The following ESRP1 variants were observed in gnomAD, a reference collection of about 807,000 sequenced individuals.
The protein encoded by ESRP1 is RNA-binding motif protein 35A.
In ESRP1, 33 loss-of-function variants were observed where a neutral mutation model predicts 81.7. That is an observed-to-expected ratio of 0.40 (90% CI 0.31 to 0.54). The LOEUF (loss-of-function observed/expected upper bound fraction) is 0.54. ESRP1 is among the 20% of genes least tolerant of loss of function. ESRP1 has a pLI of 0.41. For missense variants in ESRP1, 672 were observed against 833.1 expected (o/e 0.81, Z 2.38); for synonymous variants, 320 against 303.3 (o/e 1.06, Z -0.57).
At position 94,705,918 on chromosome 8, in the gene ESRP1, T is replaced by TA; in HGVS notation, c.*36-7_*36-6insA. The TA allele has an allele frequency of 1.4e-6, 2 of 1,476,816 alleles. No individual in the cohort carries two copies. Among genetic ancestry groups the TA allele is most frequent in the Non-Finnish European group, 1.8e-6 (2 of 1,103,548 alleles). 91.5% of individuals were successfully genotyped at this position (1,476,816 alleles called of 1,614,324 possible). ...CTTTTATTCACTTTTTTTTTTTTTTTTTTCAGTGTTTGAAAGATGTATGGT... is the reference window on the plus strand; with the variant it reads ...CTTTTATTCACTTTTTTTTTTTTTTTATTTCAGTGTTTGAAAGATGTATGGT... On this transcript the variant is annotated splice_region_variant and splice_polypyrimidine_tract_variant and intron_variant, in intron 15 of 15. Coordinates refer to ENST00000433389, the MANE Select transcript of ESRP1 (RefSeq NM_017697.4).
intron 4 of ESRP1, 43 bp downstream of exon 4, chr8:94,646,325 T>A: frequency 1.6e-6 from 2 of 1,247,490 alleles, no homozygotes; most frequent in South Asian, 1.4e-5. Context: ...GAAAAGATAG[T>A]TCCAGAAAAG....
At chr8:94,658,119 C>T (rs903545019) in intron 4 of ESRP1, among the ~76,000 whole-genome samples, 5 of 152,170 alleles carry the variant, frequency 3.3e-5, no homozygotes, top group Non-Finnish European at 5.9e-5. Flanking sequence ...ACCATGTTGG[C>T]TAGGCTGATC....
intron 15 of ESRP1, 118 bp downstream of exon 15, chr8:94,697,079 CAG>C: frequency 5.9e-6 from 4 of 677,810 alleles, no homozygotes; most frequent in South Asian, 2.4e-5. Context: ...TGTAAAATAT[CAG>C]ATATCCTGGA....
At chr8:94,669,590 G>A (rs1434498531) in intron 10 of ESRP1, among the ~76,000 whole-genome samples, 2 of 151,972 alleles carry the variant, frequency 1.3e-5, no homozygotes, top group African/African-American at 4.8e-5. Flanking sequence ...ATCTGGCCAG[G>A]CGCAGTGGCT....
At chr8:94,699,908 T>A (rs1563551643) in intron 15 of ESRP1, among the ~76,000 whole-genome samples, 2 of 150,682 alleles carry the variant, frequency 1.3e-5, no homozygotes, top group East Asian at 1.9e-4. Context: ...TTTATATATA[T>A]TTTTTTACCG....
At chr8:94,696,479 T>G (rs1400508935) in intron 14 of ESRP1, among the ~76,000 whole-genome samples, 1 of 152,228 alleles carries the variant, frequency 6.6e-6, no homozygotes, top group Non-Finnish European at 1.5e-5. Context: ...GGTATTGGGC[T>G]TATTGTACAA....
intron 9 of ESRP1, among the ~76,000 whole-genome samples, chr8:94,665,546 C>T (rs541084961): frequency 1.4e-4 from 21 of 152,232 alleles, no homozygotes; most frequent in African/African-American, 5.1e-4. Flanking sequence ...AACTGGAGTG[C>T]GGTGGCACAA....
At position 94,706,255 on chromosome 8, in the gene ESRP1, AC is replaced by A; in HGVS notation, c.*368del. On this transcript the variant is annotated 3_prime_UTR_variant, in exon 16 of 16. Transcript: ENST00000433389. The stretch of plus-strand genomic sequence containing the variant: ...GTTTTAAGTCTTGGATAAAAACTCC[AC>A]CAGTGTCTACCATCTCCACCATGAA... 3.3e-6 allele frequency: 1 copy of A among 302,040 alleles called. No individual in the cohort carries two copies. The highest frequency in any genetic ancestry group is 6.1e-6 in the Non-Finnish European group (1 of 163,130). The allele number at this position is 302,040 out of a possible 1,614,324, so 18.7% of individuals were successfully genotyped here. A position where few individuals can be genotyped will look rare whatever the true frequency, so the allele number is the denominator to read the frequency against.
intron 10 of ESRP1, among the ~76,000 whole-genome samples, chr8:94,671,037 A>G (rs1819293341): frequency 6.6e-6 from 1 of 152,132 alleles, no homozygotes; most frequent in African/African-American, 2.4e-5. Flanking sequence ...TAGTGAAATG[A>G]TATATTTCTA....
At chr8:94,700,201 T>C (rs1220945190) in intron 15 of ESRP1, among the ~76,000 whole-genome samples, 1 of 152,234 alleles carries the variant, frequency 6.6e-6, no homozygotes, top group Non-Finnish European at 1.5e-5. Flanking sequence ...GTGGACTGCA[T>C]GGTGGCTACC....
Position 94,706,648 on chromosome 8 carries a change from T to A in ESRP1, c.*759T>A, listed in dbSNP as rs1245632852. The A allele has an allele frequency of 6.6e-6, 1 of 152,632 alleles. No individual in the cohort carries two copies. Among genetic ancestry groups the A allele is most frequent in the Non-Finnish European group, 1.5e-5 (1 of 68,038 alleles). 9.5% of individuals were successfully genotyped at this position (152,632 alleles called of 1,614,324 possible). On this transcript the variant is annotated 3_prime_UTR_variant, in exon 16 of 16. Transcript: ENST00000433389. The stretch of plus-strand genomic sequence containing the variant: ...GAAGCAGCTACATGTAGTTAGTAAT[T>A]TCTAGTTTGAACTGTAATTGAATAT...
intron 15 of ESRP1, among the ~76,000 whole-genome samples, chr8:94,703,144 C>T (rs1156240295): frequency 7.5e-6 from 1 of 134,000 alleles, no homozygotes; most frequent in African/African-American, 2.9e-5. Context: ...TAGGAGTCTG[C>T]AGTTTCTTTT....
chr8:94,673,688 G>A (rs1819446304), intron 11 of ESRP1, among the ~76,000 whole-genome samples: 1 of 152,192 alleles, frequency 6.6e-6, no homozygotes, highest in African/African-American at 2.4e-5. Flanking sequence ...AGAGCTGTAA[G>A]GAGTGAGAGA....
At chr8:94,686,129 A>T (rs1413459479) in intron 13 of ESRP1, among the ~76,000 whole-genome samples, 1 of 152,120 alleles carries the variant, frequency 6.6e-6, no homozygotes, top group Non-Finnish European at 1.5e-5. Context: ...GAGTTTTGCC[A>T]TGTTGGCCAG....
intron 4 of ESRP1, among the ~76,000 whole-genome samples, chr8:94,648,492 A>G (rs1369771775): frequency 1.3e-5 from 2 of 152,234 alleles, no homozygotes; most frequent in Non-Finnish European, 2.9e-5. Context: ...CTGAATATCA[A>G]CTTGTGCTCA....
chr8:94,706,702 G>T lies in ESRP1; in HGVS notation c.*813G>T, dbSNP rs935909931. 2.6e-5 allele frequency: 4 copies of T among 152,432 alleles called. No homozygotes were observed. Among genetic ancestry groups the T allele is most frequent in the African/African-American group, 9.7e-5 (4 of 41,388 alleles). The allele number at this position is 152,432 out of a possible 1,614,324, so 9.4% of individuals were successfully genotyped here. ...GGCTTCATATGTATTATTTTATATT[G>T]TACTTTTTTCATTATTGATGGTTTG... On this transcript the variant is annotated 3_prime_UTR_variant, in exon 16 of 16. Coordinates refer to ENST00000433389, the MANE Select transcript of ESRP1 (RefSeq NM_017697.4).
chr8:94,695,348 C>CTTTTTTTTTTTTT lies in ESRP1; in HGVS notation c.1972-1492_1972-1480dup, dbSNP rs1177357708. The stretch of plus-strand genomic sequence containing the variant: ...GAGTAAATAAAATTTCTTTTTCTTT[C>CTTTTTTTTTTTTT]TTTTTTTTTTTTTTTTTTTTTTTTG... On this transcript the variant is annotated intron_variant, in intron 14 of 15. Coordinates refer to ENST00000433389, the MANE Select transcript of ESRP1 (RefSeq NM_017697.4). 2.5e-4 allele frequency among the ~76,000 whole-genome samples: 15 copies of CTTTTTTTTTTTTT among 61,176 alleles called. 1 individual carries two copies. Among genetic ancestry groups the CTTTTTTTTTTTTT allele is most frequent in the South Asian group, 6.4e-4 (1 of 1,566 alleles). 40.1% of individuals were successfully genotyped at this position (61,176 alleles called of 152,430 possible). A position where few individuals can be genotyped will look rare whatever the true frequency, so the allele number is the denominator to read the frequency against.
chr8:94,653,065 G>T (rs139819382), intron 4 of ESRP1, among the ~76,000 whole-genome samples: 39 of 152,164 alleles, frequency 2.6e-4, no homozygotes, highest in African/African-American at 8.7e-4. Context: ...TGTATTCCAT[G>T]ATAGGGTATT....
Position 94,664,915 on chromosome 8 carries a change from T to A in ESRP1, c.756-12T>A, listed in dbSNP as rs182950981. ...TTTTTTCTACCTGCTGTCTGTTTTATTATTCTCAAAGGGGAGGTGCAGCAC... is the reference window on the plus strand; with the variant it reads ...TTTTTTCTACCTGCTGTCTGTTTTAATATTCTCAAAGGGGAGGTGCAGCAC... On this transcript the variant is annotated splice_polypyrimidine_tract_variant and intron_variant, in intron 7 of 15. Transcript: ENST00000433389. 771 of 1,612,108 alleles carry A rather than the reference T, an allele frequency of 4.8e-4. 1 individual carries two copies. In the Middle Eastern group the frequency reaches 6.6e-3, roughly 14 times the overall value.
Sources: allele counts gnomAD v4.1 joint callset (sites outside exome capture counted in the v4.1 genomes callset), GRCh38; gene constraint gnomAD v4.1.1; transcripts MANE v1.5; gene names NCBI Gene and HGNC (gene_info 2026-07-23, HGNC 2026-07-21).